The following CORO7 variants were observed in gnomAD, a reference collection of about 807,000 sequenced individuals.
CORO7 encodes the protein coronin-7.
CORO7 carries 107 observed loss-of-function variants against 126.6 expected under a neutral mutation model. That is an observed-to-expected ratio of 0.85 (90% CI 0.72 to 0.99). The LOEUF (loss-of-function observed/expected upper bound fraction) is 0.99, where lower values mean the gene tolerates loss of function less well. CORO7 is among the 50% of genes least tolerant of loss of function. CORO7 has a pLI of 0.00. For missense variants in CORO7, 1,314 were observed against 1,255.8 expected, an observed-to-expected ratio of 1.05 and a Z score of -0.70; for synonymous variants, 603 against 536.8, an observed-to-expected ratio of 1.12 and a Z score of -1.70.
chr16:4,359,037 G>C (rs998759220), intron 23 of CORO7: 1 of 530,036 alleles, frequency 1.9e-6, no homozygotes, highest in African/African-American at 2.0e-5. Flanking sequence ...TCAGCCTTCC[G>C]AAGTGTTGGG....
chr16:4,408,123 G>C, intron 4 of CORO7, 58 bp downstream of exon 4: 1 of 1,612,266 alleles, frequency 6.2e-7, no homozygotes, highest in African/African-American at 1.3e-5. Context: ...CTGGGGCTCA[G>C]AAGGCCCTGG....
chr16:4,381,273 C>T, intron 9 of CORO7: 1 of 1,611,726 alleles, frequency 6.2e-7, no homozygotes, highest in Non-Finnish European at 8.5e-7. Flanking sequence ...TCTACCTGGG[C>T]AAGAACCGCA....
Position 4,354,832 on chromosome 16 carries a change from C to T in CORO7, c.*326G>A, listed in dbSNP as rs182764827. ...GGATGAGGCCAATCCAGGCTGGGACCAGCCCAGGTCAGCAGTGAGACCAGG... is the reference window on the plus strand; with the variant it reads ...GGATGAGGCCAATCCAGGCTGGGACTAGCCCAGGTCAGCAGTGAGACCAGG... On this transcript the variant is annotated 3_prime_UTR_variant, in exon 28 of 28. Transcript: ENST00000251166. 2.1e-5 allele frequency: 8 copies of T among 373,472 alleles called. No individual in the cohort carries two copies. The highest frequency in any genetic ancestry group is 1.3e-4 in the Admixed American group (3 of 22,884). 23.1% of individuals were successfully genotyped at this position (373,472 alleles called of 1,614,324 possible).
At chr16:4,413,522 G>A (rs1180122817) in intron 1 of CORO7, 118 bp from the exon 2 acceptor site, 5 of 862,098 alleles carry the variant, frequency 5.8e-6, no homozygotes, top group Non-Finnish European at 8.7e-6. Context: ...CACCATTCGA[G>A]ATGCATTCTT....
At chr16:4,358,261 T>G in intron 24 of CORO7, 106 bp downstream of exon 24, 1 of 1,534,238 alleles carries the variant, frequency 6.5e-7, no homozygotes. Flanking sequence ...GGTGTCCCCA[T>G]GAACAATGGG....
chr16:4,412,239 G>A, intron 3 of CORO7, 117 bp downstream of exon 3: 1 of 1,095,186 alleles, frequency 9.1e-7, no homozygotes, highest in South Asian at 1.4e-5. Flanking sequence ...CACAGACAGG[G>A]CGACAGGAGG....
intron 7 of CORO7, among the ~76,000 whole-genome samples, chr16:4,392,442 A>G (rs1281636073): frequency 1.3e-5 from 2 of 152,226 alleles, no homozygotes; most frequent in Admixed American, 6.5e-5. Flanking sequence ...ATAAGAACCA[A>G]GCATGGGTGT....
At chr16:4,402,335 A>G (rs2055841214) in intron 6 of CORO7, among the ~76,000 whole-genome samples, 1 of 152,070 alleles carries the variant, frequency 6.6e-6, no homozygotes, top group Non-Finnish European at 1.5e-5. Flanking sequence ...AGCTCACTTC[A>G]GCCTCGAACT....
chr16:4,413,195 C>A, intron 2 of CORO7, 113 bp downstream of exon 2: 1 of 1,121,360 alleles, frequency 8.9e-7, no homozygotes, highest in Non-Finnish European at 1.3e-6. Context: ...CCCCCCAAAG[C>A]AGTTCCGTTC....
intron 1 of CORO7, 46 bp from the exon 2 acceptor site, chr16:4,413,450 A>C (rs1207511348): frequency 6.5e-7 from 1 of 1,533,204 alleles, no homozygotes; most frequent in East Asian, 2.5e-5. Flanking sequence ...CCAGGGTTCC[A>C]CCTCCATGCA....
intron 9 of CORO7, among the ~76,000 whole-genome samples, chr16:4,368,648 T>C (rs930434606): frequency 8.0e-5 from 12 of 150,250 alleles, no homozygotes; most frequent in African/African-American, 1.7e-4. Context: ...CTCAGGAGGC[T>C]GAGGCAGGAG....
In CORO7 at chr16:4,395,313, G is replaced by C. The variant is rs545152160; in HGVS notation, c.591C>G (p.Pro197=). 1.2e-6 allele frequency: 2 copies of C among 1,614,006 alleles called. No homozygotes were observed. Among genetic ancestry groups the C allele is most frequent in the East Asian group, 4.5e-5 (2 of 44,880 alleles). Reference sequence around the variant, plus strand: ...CCTGAGAGGCCCGCGGCTTTGTTCTGGGGTCAAAGATCCGCAGCTGCTTGT... The same window carrying C: ...CCTGAGAGGCCCGCGGCTTTGTTCTCGGGTCAAAGATCCGCAGCTGCTTGT... The part of the protein sequence containing the change: ...CKDKQLRIFD[P]RTKPRASQST... The change falls in exon 7 of 28, where the codon CCC becomes CCG. Residue 197 remains proline, a synonymous_variant. Transcript: ENST00000251166.
In CORO7 at chr16:4,388,047, G is replaced by C. The variant is rs746159028; in HGVS notation, c.724C>G (p.Leu242Val). The change falls in exon 9 of 28, where the codon CTG becomes GTG. Residue 242 changes from leucine (L) to valine (V), a missense_variant. Coordinates refer to ENST00000251166, the MANE Select transcript of CORO7 (RefSeq NM_024535.5). ...FNQMREREVKLWDTRFFSSAL... is the reference protein window; with the variant it reads ...FNQMREREVKVWDTRFFSSAL... ...CTGGAGAAGAACCGCGTGTCCCACAGCTTCACTTCGCGCTCACGCATCTGC... is the reference window on the plus strand; with the variant it reads ...CTGGAGAAGAACCGCGTGTCCCACACCTTCACTTCGCGCTCACGCATCTGC... 6.2e-7 allele frequency: 1 copy of C among 1,612,982 alleles called. No homozygotes were observed. The highest frequency in any genetic ancestry group is 8.5e-7 in the Non-Finnish European group (1 of 1,179,834).
chr16:4,404,530 G>A (rs1471533609), intron 6 of CORO7, among the ~76,000 whole-genome samples: 2 of 152,126 alleles, frequency 1.3e-5, no homozygotes, highest in South Asian at 2.1e-4. Flanking sequence ...AGCCCCTCTG[G>A]GCCCAGACTC....
intron 9 of CORO7, among the ~76,000 whole-genome samples, chr16:4,366,809 C>T (rs2054363288): frequency 6.6e-6 from 1 of 152,158 alleles, no homozygotes; most frequent in Non-Finnish European, 1.5e-5. Flanking sequence ...TCCCAAAGTG[C>T]TAGGATTATA....
At chr16:4,355,248 G>A (rs758451594) in intron 27 of CORO7, 38 bp downstream of exon 27, 30 of 1,610,788 alleles carry the variant, frequency 1.9e-5, no homozygotes, top group South Asian at 4.4e-5. Flanking sequence ...GCGAGGGACC[G>A]CGCTGCCTGC....
intron 9 of CORO7, chr16:4,382,791 A>C (rs767981466): frequency 1.6e-5 from 26 of 1,585,884 alleles, no homozygotes; most frequent in African/African-American, 2.7e-5. Flanking sequence ...CGAAGGCAAC[A>C]GAGGGCGGTG....
At chr16:4,359,659 A>G in intron 21 of CORO7, 38 bp from the exon 22 acceptor site, 1 of 1,560,046 alleles carries the variant, frequency 6.4e-7, no homozygotes. Context: ...GGTGTTTCAG[A>G]GCTGAAGGGG....
chr16:4,415,891 G>C, intron 1 of CORO7: 1 of 985,682 alleles, frequency 1.0e-6, no homozygotes, highest in Non-Finnish European at 1.2e-6. Context: ...GCATCACCGA[G>C]ATAAAGAAAG....
Sources: allele counts gnomAD v4.1 joint callset (sites outside exome capture counted in the v4.1 genomes callset), GRCh38; gene constraint gnomAD v4.1.1; transcripts MANE v1.5; gene names NCBI Gene and HGNC (gene_info 2026-07-23, HGNC 2026-07-21).